The following RHBDD1 variants were observed in gnomAD, a reference collection of about 807,000 sequenced individuals.
RHBDD1 encodes the protein rhomboid domain containing 1.
A neutral mutation model predicts 36.3 loss-of-function variants in RHBDD1; 38 were observed. That is an observed-to-expected ratio of 1.05 (90% confidence interval 0.81 to 1.37). The LOEUF (loss-of-function observed/expected upper bound fraction) is 1.37. Ranked by LOEUF, RHBDD1 falls within the 40% of genes most tolerant of loss-of-function variation. The pLI is 0.00. For synonymous variants in RHBDD1, 151 were observed against 136.5 expected (o/e 1.11, Z -0.74); for missense variants, 393 against 377.6 (o/e 1.04, Z -0.34).
chr2:226,908,927 T>A, intron 7 of RHBDD1, 49 bp downstream of exon 7: 1 of 1,203,982 alleles, frequency 8.3e-7, no homozygotes, highest in Non-Finnish European at 1.2e-6. Context: ...TTTAAAATTA[T>A]AGTGTTCAGC....
intron 8 of RHBDD1, among the ~76,000 whole-genome samples, chr2:226,936,691 C>G (rs1950352668): frequency 1.3e-5 from 2 of 152,084 alleles, no homozygotes; most frequent in South Asian, 4.1e-4. Flanking sequence ...TTTGCACACT[C>G]ATGATGTTGC....
intron 8 of RHBDD1, among the ~76,000 whole-genome samples, chr2:226,924,823 T>C (rs1226892766): frequency 1.3e-5 from 2 of 152,192 alleles, no homozygotes; most frequent in Non-Finnish European, 2.9e-5. Context: ...ATCACTGTGC[T>C]CTCCCTCCCC....
chr2:226,930,565 C>T (rs910102149), intron 8 of RHBDD1, among the ~76,000 whole-genome samples: 26 of 152,058 alleles, frequency 1.7e-4, no homozygotes, highest in African/African-American at 6.3e-4. Context: ...AAAAACTTCC[C>T]TGGACATTGG....
At chr2:226,859,228 T>C (rs1943612422) in intron 3 of RHBDD1, among the ~76,000 whole-genome samples, 1 of 152,218 alleles carries the variant, frequency 6.6e-6, no homozygotes, top group Admixed American at 6.5e-5. Context: ...TTCAGCCAAC[T>C]ACAGATTGAA....
chr2:226,866,039 A>T (rs1034265870), intron 4 of RHBDD1, among the ~76,000 whole-genome samples: 6 of 152,176 alleles, frequency 3.9e-5, no homozygotes, highest in Non-Finnish European at 7.3e-5. Context: ...GCAGATCCAC[A>T]TGGAGATGGG....
chr2:226,872,908 A>G (rs1419275274), intron 5 of RHBDD1, among the ~76,000 whole-genome samples: 1 of 152,244 alleles, frequency 6.6e-6, no homozygotes, highest in Non-Finnish European at 1.5e-5. Flanking sequence ...AACATGGTAC[A>G]TTTATAATTG....
chr2:226,861,600 T>C (rs1943860121), intron 3 of RHBDD1, among the ~76,000 whole-genome samples: 1 of 152,252 alleles, frequency 6.6e-6, no homozygotes, highest in Admixed American at 6.5e-5. Flanking sequence ...GGCAATGATA[T>C]TGAAGGGTTT....
At chr2:226,980,263 G>A (rs1224888441) in intron 8 of RHBDD1, among the ~76,000 whole-genome samples, 2 of 152,170 alleles carry the variant, frequency 1.3e-5, no homozygotes, top group African/African-American at 4.8e-5. Context: ...GGCAAAGCCA[G>A]TATTCAACCT....
At chr2:226,805,020 T>C in the RHBDD1 span, 1 of 152,400 alleles carries the variant, frequency 6.6e-6, no homozygotes, top group Non-Finnish European at 1.5e-5. Context: ...AGACTTTGTC[T>C]CTAAAAATAA....
intron 3 of RHBDD1, among the ~76,000 whole-genome samples, chr2:226,840,045 AT>A (rs1941437927): frequency 6.6e-6 from 1 of 152,218 alleles, no homozygotes; most frequent in African/African-American, 2.4e-5. Flanking sequence ...CATAAGAAAA[AT>A]AATTTCAAAT....
chr2:226,859,341 A>G (rs1283282688), intron 3 of RHBDD1, among the ~76,000 whole-genome samples: 1 of 152,226 alleles, frequency 6.6e-6, no homozygotes, highest in Non-Finnish European at 1.5e-5. Context: ...CAATAAAACA[A>G]CTATTTGCAT....
At chr2:226,862,029 CAT>C (rs754617023) in intron 3 of RHBDD1, among the ~76,000 whole-genome samples, 10 of 152,106 alleles carry the variant, frequency 6.6e-5, no homozygotes, top group African/African-American at 2.4e-4. Context: ...TATGCATACA[CAT>C]ATATATATAC....
At chr2:226,886,578 A>G (rs964609829) in intron 5 of RHBDD1, among the ~76,000 whole-genome samples, 2 of 152,200 alleles carry the variant, frequency 1.3e-5, no homozygotes, top group African/African-American at 4.8e-5. Context: ...AAAGATGACA[A>G]GATTAGGCTA....
intron 8 of RHBDD1, among the ~76,000 whole-genome samples, chr2:226,932,377 T>G (rs1282529513): frequency 2.0e-5 from 3 of 152,144 alleles, no homozygotes; most frequent in Non-Finnish European, 4.4e-5. Flanking sequence ...CCCTACTGAT[T>G]GTCTCCTCGA....
intron 8 of RHBDD1, among the ~76,000 whole-genome samples, chr2:226,963,898 C>A (rs1228860719): frequency 6.6e-6 from 1 of 152,168 alleles, no homozygotes; most frequent in African/African-American, 2.4e-5. Context: ...GTACTCACCA[C>A]CCCCTACTTA....
At chr2:226,888,715 G>A (rs914040853) in intron 5 of RHBDD1, among the ~76,000 whole-genome samples, 4 of 152,158 alleles carry the variant, frequency 2.6e-5, no homozygotes, top group African/African-American at 4.8e-5. Flanking sequence ...CCAAAGGGCA[G>A]TGAAGAACTC....
chr2:226,827,948 T>C, the RHBDD1 span, among the ~76,000 whole-genome samples: 1 of 152,218 alleles, frequency 6.6e-6, no homozygotes, highest in East Asian at 1.9e-4. Flanking sequence ...CTTCTTTAAA[T>C]AGCTTTGTTA....
intron 8 of RHBDD1, among the ~76,000 whole-genome samples, chr2:226,944,045 T>C (rs1268807601): frequency 6.6e-6 from 1 of 152,164 alleles, no homozygotes; most frequent in African/African-American, 2.4e-5. Context: ...ATGCCTTTGC[T>C]CAGTATAGTC....
intron 8 of RHBDD1, among the ~76,000 whole-genome samples, chr2:226,942,070 T>C (rs1478136477): frequency 6.6e-6 from 1 of 152,140 alleles, no homozygotes; most frequent in Non-Finnish European, 1.5e-5. Flanking sequence ...CGTTATACAA[T>C]ATTATAGCCT....
Sources: gnomAD v4.1 joint callset for allele counts (sites outside exome capture counted in the v4.1 genomes callset) on GRCh38, gnomAD v4.1.1 for gene constraint, MANE v1.5 for transcripts, NCBI Gene and HGNC (gene_info 2026-07-23, HGNC 2026-07-21) for gene names.